The following ADAM32 variants were observed in gnomAD, a reference collection of about 807,000 sequenced individuals.
The protein encoded by ADAM32 is ADAM metallopeptidase domain 32.
ADAM32 carries 89 observed loss-of-function variants against 114.9 expected under a neutral mutation model. The ratio of observed to expected loss-of-function variants is 0.77; its 90% CI spans 0.65 to 0.92. ADAM32 has a LOEUF of 0.92. ADAM32 is among the 40% of genes least tolerant of loss of function. ADAM32 has a pLI of 0.00. For synonymous variants in ADAM32, 285 were observed against 307.5 expected (o/e 0.93, Z 0.77); for missense variants, 870 against 932.8 (o/e 0.93, Z 0.88).
intron 17 of ADAM32, among the ~76,000 whole-genome samples, chr8:39,250,331 C>CT (rs886894152): frequency 6.6e-6 from 1 of 151,332 alleles, no homozygotes; most frequent in Non-Finnish European, 1.5e-5. Flanking sequence ...GCTCAGAGAT[C>CT]TTTTCTCATC....
At chr8:39,209,636 A>G (rs1317619090) in intron 11 of ADAM32, among the ~76,000 whole-genome samples, 2 of 152,186 alleles carry the variant, frequency 1.3e-5, no homozygotes, top group East Asian at 3.9e-4. Flanking sequence ...AGAAATTCCA[A>G]GAGTACTGAC....
chr8:39,160,851 A>T (rs1203667260), intron 6 of ADAM32, 46 bp from the exon 7 acceptor site: 3 of 1,481,962 alleles, frequency 2.0e-6, no homozygotes, highest in Middle Eastern at 1.7e-4. Context: ...AAGTAAAAAA[A>T]TTATGAAATT....
chr8:39,278,318 G>A (rs2129451648), intron 22 of ADAM32, among the ~76,000 whole-genome samples: 1 of 114,474 alleles, frequency 8.7e-6, no homozygotes, highest in South Asian at 2.5e-4. Flanking sequence ...GGTTGAGCAG[G>A]AAAACAGTGA....
intron 7 of ADAM32, among the ~76,000 whole-genome samples, chr8:39,162,279 C>G (rs543233904): frequency 6.6e-6 from 1 of 150,394 alleles, no homozygotes; most frequent in Non-Finnish European, 1.5e-5. Flanking sequence ...TTTGTCCTTG[C>G]GATAGTTTGC....
At position 39,199,262 on chromosome 8, in the gene ADAM32, C is replaced by T. The variant is rs141001823; in HGVS notation, c.1053-11882C>T. Among the ~76,000 whole-genome samples, 509 of 152,268 alleles carry T rather than the reference C, an allele frequency of 3.3e-3. 4 individuals are homozygous for T. The highest frequency in any genetic ancestry group is 0.011 in the African/African-American group (451 of 41,548). On this transcript the variant is annotated intron_variant, in intron 11 of 24. Coordinates refer to ENST00000379907, the MANE Select transcript of ADAM32 (RefSeq NM_145004.7). ...CTTGATGTCTATATCTCTTGCAAAA[C>T]TTTGGAGAGTTTCAGCTATTATTCC...
intron 12 of ADAM32, among the ~76,000 whole-genome samples, chr8:39,218,963 G>A (rs755493116): frequency 1.3e-5 from 2 of 152,094 alleles, no homozygotes; most frequent in Non-Finnish European, 2.9e-5. Context: ...CCCAAGGGCT[G>A]TTTAGTGAGT....
intron 2 of ADAM32, among the ~76,000 whole-genome samples, chr8:39,129,363 A>T (rs1279145388): frequency 6.6e-6 from 1 of 152,130 alleles, no homozygotes; most frequent in Non-Finnish European, 1.5e-5. Context: ...GGCCTTTATC[A>T]TGTTCAGGAG....
chr8:39,191,473 T>C (rs188593900), intron 11 of ADAM32, among the ~76,000 whole-genome samples: 10 of 152,350 alleles, frequency 6.6e-5, no homozygotes, highest in Admixed American at 5.9e-4. Context: ...TATCTCATTG[T>C]AGTTTTGATG....
intron 2 of ADAM32, among the ~76,000 whole-genome samples, chr8:39,132,957 T>C (rs1802552260): frequency 6.6e-6 from 1 of 152,240 alleles, no homozygotes. Flanking sequence ...TCTTGTATTT[T>C]TTTCTTCTTG....
chr8:39,244,539 A>G (rs989007508), intron 16 of ADAM32, among the ~76,000 whole-genome samples: 1 of 152,162 alleles, frequency 6.6e-6, no homozygotes, highest in Non-Finnish European at 1.5e-5. Flanking sequence ...ACAAAAACAT[A>G]AAGTGGGGAA....
intron 16 of ADAM32, among the ~76,000 whole-genome samples, chr8:39,239,975 A>G (rs376820405): frequency 3.1e-4 from 47 of 152,336 alleles, no homozygotes; most frequent in Non-Finnish European, 5.3e-4. Context: ...CAACACAATA[A>G]TAGTGGGGAT....
In ADAM32 at chr8:39,274,478, G is replaced by A. The variant is rs1170269725; in HGVS notation, c.2240+128G>A. The A allele has an allele frequency of 6.2e-6, 6 of 972,718 alleles. No individual in the cohort carries two copies. In the African/African-American group the frequency reaches 8.3e-5, roughly 14 times the overall value. 60.3% of individuals were successfully genotyped at this position (972,718 alleles called of 1,614,324 possible). ...AAAGCAATGCACTAAAATCCAGACT[G>A]CTAATATACAGTTGAATTTAGTTTC... On this transcript the variant is annotated intron_variant, in intron 21 of 24. Transcript: ENST00000379907.
In ADAM32 at chr8:39,281,194, T is replaced by A. The variant is rs138070233; in HGVS notation, c.2318+20T>A. On this transcript the variant is annotated intron_variant, in intron 23 of 24. Coordinates refer to ENST00000379907, the MANE Select transcript of ADAM32 (RefSeq NM_145004.7). ...TAGCAGGTAAGCAGGATAGAAAGTG[T>A]TACTTATAAATAAGTATGTTGAAAA... 0.012 allele frequency: 15,719 copies of A among 1,325,944 alleles called. 109 individuals carry two copies. The highest frequency in any genetic ancestry group is 0.016 in the Middle Eastern group (82 of 5,264). 82.1% of individuals were successfully genotyped at this position (1,325,944 alleles called of 1,614,324 possible).
At chr8:39,151,974 T>C (rs985982225) in intron 6 of ADAM32, among the ~76,000 whole-genome samples, 1 of 152,192 alleles carries the variant, frequency 6.6e-6, no homozygotes, top group African/African-American at 2.4e-5. Flanking sequence ...TTCATCTTTC[T>C]GTTACCTAAC....
chr8:39,214,964 G>A (rs374006287), intron 12 of ADAM32, among the ~76,000 whole-genome samples: 2 of 152,008 alleles, frequency 1.3e-5, no homozygotes, highest in East Asian at 3.8e-4. Context: ...CCAAGTGTAT[G>A]TTCTGGGCAC....
chr8:39,200,071 G>T (rs1019969110), intron 11 of ADAM32, among the ~76,000 whole-genome samples: 5 of 152,086 alleles, frequency 3.3e-5, no homozygotes, highest in Non-Finnish European at 5.9e-5. Flanking sequence ...GAATAGTGCT[G>T]CAATAAACAT....
At chr8:39,227,733 C>T (rs1809476696) in intron 14 of ADAM32, among the ~76,000 whole-genome samples, 1 of 152,140 alleles carries the variant, frequency 6.6e-6, no homozygotes, top group South Asian at 2.1e-4. Flanking sequence ...ACCTGATGGT[C>T]TTCCTTACCC....
At position 39,194,279 on chromosome 8, in the gene ADAM32, C is replaced by T. The variant is rs537533763; in HGVS notation, c.1052+7234C>T. Among the ~76,000 whole-genome samples the T allele has an allele frequency of 1.1e-4, 16 of 152,182 alleles. No individual in the cohort carries two copies. The South Asian group carries it at 1.5e-3, about 14-fold the overall frequency. On this transcript the variant is annotated intron_variant, in intron 11 of 24. Transcript: ENST00000379907. Reference sequence around the variant, plus strand: ...TTGCTGTTTTTAATGCCTAGTTTTACGCTGATGTCAGTGTCAGTGCAAGGG... The same window carrying T: ...TTGCTGTTTTTAATGCCTAGTTTTATGCTGATGTCAGTGTCAGTGCAAGGG...
At chr8:39,278,318 GA>G (rs1813218220) in intron 22 of ADAM32, among the ~76,000 whole-genome samples, 1 of 114,430 alleles carries the variant, frequency 8.7e-6, no homozygotes, top group Non-Finnish European at 1.8e-5. Flanking sequence ...GGTTGAGCAG[GA>G]AAACAGTGAT....
Sources: gnomAD v4.1 joint callset for allele counts (sites outside exome capture counted in the v4.1 genomes callset) on GRCh38, gnomAD v4.1.1 for gene constraint, MANE v1.5 for transcripts, NCBI Gene and HGNC (gene_info 2026-07-23, HGNC 2026-07-21) for gene names.